TBC1D14: variants seen among roughly 807,000 people sequenced by gnomAD.
TBC1D14 encodes TBC1 domain family member 14, also known as TBC1 domain family, member 14.
A neutral mutation model predicts 79.0 loss-of-function variants in TBC1D14; 26 were observed. The ratio of observed to expected loss-of-function variants is 0.33; its 90% CI spans 0.24 to 0.46. TBC1D14 has a LOEUF of 0.46. Among genes scored for constraint, TBC1D14 ranks in the 20% least tolerant of loss-of-function variants. The probability of loss-of-function intolerance (pLI) is 1.00; values close to 1 mark genes in which losing one functional copy is unlikely to be tolerated. For synonymous variants in TBC1D14, 394 were observed against 349.9 expected (o/e 1.13, Z -1.40); for missense variants, 769 against 887.6 (o/e 0.87, Z 1.70).
chr4:6,915,465 T>C (rs1723324494), intron 1 of TBC1D14, among the ~76,000 whole-genome samples: 1 of 152,174 alleles, frequency 6.6e-6, no homozygotes, highest in Non-Finnish European at 1.5e-5. Context: ...CTTATGTCTG[T>C]GACATGCCTT....
chr4:6,913,588 G>A (rs1051068211), intron 1 of TBC1D14, among the ~76,000 whole-genome samples: 7 of 152,130 alleles, frequency 4.6e-5, no homozygotes. Flanking sequence ...AGTGCCCTTG[G>A]CAGGCTTGTG....
At chr4:6,952,991 A>G (rs1031082886) in intron 2 of TBC1D14, among the ~76,000 whole-genome samples, 2 of 145,114 alleles carry the variant, frequency 1.4e-5, no homozygotes, top group African/African-American at 2.6e-5. Context: ...ACAGGCACCC[A>G]CTGTCACGCC....
intron 2 of TBC1D14, among the ~76,000 whole-genome samples, chr4:6,963,658 T>A (rs1295587673): frequency 1.3e-5 from 2 of 152,210 alleles, no homozygotes; most frequent in African/African-American, 4.8e-5. Context: ...TACAGCACCT[T>A]TTCACTTGTA....
intron 3 of TBC1D14, among the ~76,000 whole-genome samples, chr4:6,976,414 A>G (rs979645868): frequency 1.3e-5 from 2 of 152,226 alleles, no homozygotes; most frequent in African/African-American, 4.8e-5. Flanking sequence ...AGACAAAAAA[A>G]TCATATAAGC....
In TBC1D14 at chr4:7,025,149, T is replaced by G; in HGVS notation, c.1903T>G (p.Phe635Val). Residue 635 changes from phenylalanine to valine, a missense_variant, in exon 13 of 14, where the codon TTC becomes GTC. By Grantham distance (50) the Phe-to-Val change is conservative. Around this residue, in one of 2 missense-constraint regions of TBC1D14, gnomAD observed 367 missense variants for 494.4 expected, o/e 0.74. Coordinates refer to ENST00000409757, the MANE Select transcript of TBC1D14 (RefSeq NM_020773.3). ...LFEDILTKMDFIHMAQFLTRL... is the reference protein window; with the variant it reads ...LFEDILTKMDVIHMAQFLTRL... ...CGAGGACATCCTGACCAAGATGGACTTCATTCACATGGCCCAGTTCCTGAC... is the reference window on the plus strand; with the variant it reads ...CGAGGACATCCTGACCAAGATGGACGTCATTCACATGGCCCAGTTCCTGAC... 6.2e-7 allele frequency: 1 copy of G among 1,614,210 alleles called. No homozygotes were observed. The highest frequency in any genetic ancestry group is 1.7e-5 in the Admixed American group (1 of 60,020).
At chr4:6,981,795 A>C (rs1383556957) in intron 3 of TBC1D14, among the ~76,000 whole-genome samples, 1 of 152,234 alleles carries the variant, frequency 6.6e-6, no homozygotes, top group African/African-American at 2.4e-5. Flanking sequence ...TTGGTGCAGC[A>C]AAAGCATTTG....
rs1452035947 is a variant in TBC1D14 at position 6,914,127 on chromosome 4, C to T, written c.-18+4176C>T. On this transcript the variant is annotated intron_variant, in intron 1 of 13. Transcript: ENST00000409757. ...TGTACTGCAGCCTGGGTGACAGAGACCCCATCTCAAAAAAAAAAAAAAAGT... is the reference window on the plus strand; with the variant it reads ...TGTACTGCAGCCTGGGTGACAGAGATCCCATCTCAAAAAAAAAAAAAAAGT... Among the ~76,000 whole-genome samples the T allele has an allele frequency of 4.1e-5, 5 of 122,312 alleles. No individual in the cohort carries two copies. In the East Asian group the frequency reaches 7.8e-4, roughly 19 times the overall value. The allele number at this position is 122,312 out of a possible 152,430, so 80.2% of individuals were successfully genotyped here.
chr4:6,935,633 TTG>T (rs1309468278), intron 2 of TBC1D14, among the ~76,000 whole-genome samples: 2 of 144,478 alleles, frequency 1.4e-5, no homozygotes, highest in East Asian at 2.1e-4. Context: ...GCTTCATTGT[TTG>T]TGTGTGAGTG....
At chr4:6,974,326 C>T (rs559036296) in intron 3 of TBC1D14, among the ~76,000 whole-genome samples, 78 of 152,176 alleles carry the variant, frequency 5.1e-4, no homozygotes, top group African/African-American at 1.8e-3. Flanking sequence ...ATTACCTGGC[C>T]CAGATATGGA....
intron 2 of TBC1D14, among the ~76,000 whole-genome samples, chr4:6,960,731 C>T (rs1045560938): frequency 6.6e-6 from 1 of 152,224 alleles, no homozygotes; most frequent in Non-Finnish European, 1.5e-5. Context: ...CGCACAGGCC[C>T]CAACCTGTTG....
chr4:6,913,736 C>T (rs1172105051), intron 1 of TBC1D14, among the ~76,000 whole-genome samples: 1 of 152,176 alleles, frequency 6.6e-6, no homozygotes, highest in Non-Finnish European at 1.5e-5. Flanking sequence ...GTATCATTTG[C>T]CTCCCAGTCA....
intron 9 of TBC1D14, among the ~76,000 whole-genome samples, chr4:7,009,293 A>G (rs932744179): frequency 3.3e-5 from 5 of 152,212 alleles, no homozygotes; most frequent in South Asian, 2.1e-4. Context: ...AATTCCAACA[A>G]TTGACTTTTT....
chr4:6,968,683 C>A (rs1715925516), intron 3 of TBC1D14, among the ~76,000 whole-genome samples: 1 of 151,972 alleles, frequency 6.6e-6, no homozygotes, highest in African/African-American at 2.4e-5. Context: ...CGGGAGGAGG[C>A]TGACCGCCGA....
At chr4:6,934,187 C>T (rs952197112) in intron 2 of TBC1D14, among the ~76,000 whole-genome samples, 1 of 151,716 alleles carries the variant, frequency 6.6e-6, no homozygotes, top group African/African-American at 2.4e-5. Context: ...TGGAAACAGG[C>T]GGACAGAGAA....
At chr4:6,941,424 GATTTGCCGTC>G (rs1182753114) in intron 2 of TBC1D14, among the ~76,000 whole-genome samples, 1 of 152,160 alleles carries the variant, frequency 6.6e-6, no homozygotes, top group East Asian at 1.9e-4. Context: ...GAGCTCAGGT[GATTTGCCGTC>G]TTGGCCACCC....
At chr4:6,916,636 A>C (rs868068227) in intron 1 of TBC1D14, among the ~76,000 whole-genome samples, 4 of 152,190 alleles carry the variant, frequency 2.6e-5, no homozygotes, top group African/African-American at 7.2e-5. Context: ...GTGGCGTGAC[A>C]GTTGATTGAA....
rs138378431 is a variant in TBC1D14, at chr4:6,916,844, C to T, written c.-17-6529C>T. ...GTTCAGTGCCTCCCGTGGCAGGGTG[C>T]TGGGTCAGGTGCTGGGGCGTTCCTC... On this transcript the variant is annotated intron_variant, in intron 1 of 13. Transcript: ENST00000409757. 2.6e-3 allele frequency among the ~76,000 whole-genome samples: 399 copies of T among 152,340 alleles called. 4 individuals carry two copies. The South Asian group carries it at 0.029, about 11-fold the overall frequency.
chr4:6,979,170 C>G (rs2109090627), intron 3 of TBC1D14, among the ~76,000 whole-genome samples: 1 of 152,096 alleles, frequency 6.6e-6, no homozygotes, highest in South Asian at 2.1e-4. Flanking sequence ...GTTCAAAAAG[C>G]TTGAATCAAG....
intron 7 of TBC1D14, among the ~76,000 whole-genome samples, chr4:7,002,332 G>A (rs916397587): frequency 1.3e-5 from 2 of 152,208 alleles, no homozygotes; most frequent in Non-Finnish European, 2.9e-5. Flanking sequence ...GTTGAGGTTT[G>A]GAGAAATTAC....
Sources: allele counts gnomAD v4.1 joint callset (sites outside exome capture counted in the v4.1 genomes callset), GRCh38; gene constraint gnomAD v4.1.1; regional missense constraint gnomAD v4.1.1; transcripts MANE v1.5; gene names NCBI Gene and HGNC (gene_info 2026-07-23, HGNC 2026-07-21).